HIP1R: variants seen among roughly 807,000 people sequenced by gnomAD.
HIP1R encodes huntingtin-interacting protein 1-related protein.
Under a neutral mutation model 144.2 loss-of-function variants are expected in HIP1R, and 135 were observed. The observed-to-expected ratio is 0.94, with a 90% CI of 0.81 to 1.08. The LOEUF (loss-of-function observed/expected upper bound fraction) is 1.08, where lower values mean the gene tolerates loss of function less well. Among genes scored for constraint, HIP1R ranks in the 50% least tolerant of loss-of-function variants. The pLI is 0.00. For missense variants in HIP1R, 1,462 were observed against 1,432.8 expected, an observed-to-expected ratio of 1.02 and a Z score of -0.33; for synonymous variants, 698 against 612.8, an observed-to-expected ratio of 1.14 and a Z score of -2.05.
chr12:122,851,009 T>C (rs542506329), intron 6 of HIP1R, 98 bp downstream of exon 6: 19 of 1,101,512 alleles, frequency 1.7e-5, no homozygotes, highest in South Asian at 1.2e-4. Context: ...GGCAGTGGGG[T>C]TGAATGAGTC....
At chr12:122,860,362 C>CCCTTG in intron 26 of HIP1R, 61 bp from the exon 27 acceptor site, 1 of 1,589,084 alleles carries the variant, frequency 6.3e-7, no homozygotes, top group Non-Finnish European at 8.6e-7. Context: ...CCTTGAGGGC[C>CCCTTG]ACTTTCCACC....
At chr12:122,856,792 C>T in intron 17 of HIP1R, 66 bp downstream of exon 17, 3 of 1,375,284 alleles carry the variant, frequency 2.2e-6, no homozygotes, top group Non-Finnish European at 3.0e-6. Context: ...GTCAGGTCCT[C>T]TTTCCCGTGA....
In HIP1R at chr12:122,859,782, A is replaced by G; in HGVS notation, c.2417A>G (p.Asn806Ser). ...DAVRRIEDMM[N>S]QARHASSGVK... ...TGTTCTTGGGTGCAGGACATGATGAACCAGGCACGCCACGCCAGCTCGGGG... is the reference window on the plus strand; with the variant it reads ...TGTTCTTGGGTGCAGGACATGATGAGCCAGGCACGCCACGCCAGCTCGGGG... The change falls in exon 24 of 32, where the codon AAC becomes AGC. Residue 806 changes from asparagine (N) to serine (S), a missense_variant. Physicochemically the swap from Asn to Ser is conservative, Grantham distance 46 (BLOSUM62 1). Coordinates refer to ENST00000253083, the MANE Select transcript of HIP1R (RefSeq NM_003959.3). 6 of 1,612,910 alleles carry G rather than the reference A, an allele frequency of 3.7e-6. No individual in the cohort carries two copies. The highest frequency in any genetic ancestry group is 1.7e-4 in the Middle Eastern group (1 of 6,056).
At position 122,861,411 on chromosome 12, in the gene HIP1R, G is replaced by A. The variant is rs1290471259; in HGVS notation, c.3056G>A (p.Gly1019Glu). Reference protein sequence around the residue: ...YVLAGASGSPGEEVAIRPSTA... With the variant: ...YVLAGASGSPEEEVAIRPSTA... ...CTGGCTGGGGCATCAGGCAGCCCTG[G>A]AGAGGAGGTGGCCATCCGGCCCAGC... Residue 1019 changes from glycine to glutamate, a missense_variant, in exon 31 of 32, where the codon GGA (glycine) becomes GAA (glutamate). By Grantham distance (98) the Gly-to-Glu change is moderately conservative. Transcript: ENST00000253083. 1 of 1,613,488 alleles carries A rather than the reference G, an allele frequency of 6.2e-7. No individual in the cohort carries two copies. The highest frequency in any genetic ancestry group is 8.5e-7 in the Non-Finnish European group (1 of 1,179,890).
intron 1 of HIP1R, among the ~76,000 whole-genome samples, chr12:122,844,293 C>A (rs968039664): frequency 6.6e-6 from 1 of 152,108 alleles, no homozygotes; most frequent in Non-Finnish European, 1.5e-5. Flanking sequence ...CCACTACACC[C>A]GGCTAAGTTT....
rs1401707790 is a variant in HIP1R, at chr12:122,861,474, T to C, written c.3119T>C (p.Leu1040Pro). Reference protein sequence around the residue: ...PRSVTTKKPPLAQKPSVAPRQ... With the variant: ...PRSVTTKKPPPAQKPSVAPRQ... ...AGTGTAACCACCAAGAAACCACCCC[T>C]GGCCCAGAAGCCCAGCGTGGCCCCC... Residue 1040 changes from leucine (L) to proline (P), a missense_variant, in exon 31 of 32, where the codon CTG becomes CCG. Transcript: ENST00000253083. The C allele has an allele frequency of 7.4e-6, 12 of 1,613,040 alleles. No homozygotes were observed. The highest frequency in any genetic ancestry group is 1.0e-5 in the Non-Finnish European group (12 of 1,179,754).
Position 122,858,133 on chromosome 12 carries a change from T to C in HIP1R, c.1847T>C (p.Leu616Pro), listed in dbSNP as rs754716825. The C allele has an allele frequency of 1.3e-6, 2 of 1,599,122 alleles. No individual in the cohort carries two copies. Among genetic ancestry groups the C allele is most frequent in the African/African-American group, 2.7e-5 (2 of 74,814 alleles). Reference protein sequence around the residue: ...ESQEQGLRQRLLDEQFAVLRG... With the variant: ...ESQEQGLRQRPLDEQFAVLRG... ...CAGGAGCAGGGGCTGCGGCAGAGGC[T>C]GCTGGACGAGCAGTTCGCAGTGTTG... Residue 616 changes from leucine (L) to proline (P), a missense_variant, in exon 19 of 32, where the codon CTG becomes CCG. Transcript: ENST00000253083.
chr12:122,845,722 C>A (rs892222636), intron 1 of HIP1R, among the ~76,000 whole-genome samples: 1 of 152,084 alleles, frequency 6.6e-6, no homozygotes, highest in Non-Finnish European at 1.5e-5. Context: ...CCCTCAGAGA[C>A]CATCCATCCA....
intron 4 of HIP1R, 86 bp from the exon 5 acceptor site, chr12:122,849,789 G>A (rs867415629): frequency 2.4e-5 from 21 of 861,280 alleles, no homozygotes; most frequent in African/African-American, 3.3e-5. Flanking sequence ...AGTGCCCGGT[G>A]GTGGGTCACT....
chr12:122,835,297 T>G (rs1593853134), upstream of HIP1R: 36 of 355,210 alleles, frequency 1.0e-4, no homozygotes, highest in South Asian at 1.5e-4. Flanking sequence ...GGGGTGGGGT[T>G]GGAGGTGTGC....
Position 122,858,135 on chromosome 12 carries a change from C to T in HIP1R, c.1849C>T (p.Leu617=), listed in dbSNP as rs1488484782. Residue 617 remains leucine, a synonymous_variant, in exon 19 of 32, where the codon CTG becomes TTG. Coordinates refer to ENST00000253083, the MANE Select transcript of HIP1R (RefSeq NM_003959.3). The part of the protein sequence containing the change: ...SQEQGLRQRL[L]DEQFAVLRGA... ...GGAGCAGGGGCTGCGGCAGAGGCTG[C>T]TGGACGAGCAGTTCGCAGTGTTGCG... The T allele has an allele frequency of 1.3e-6, 2 of 1,599,082 alleles. No homozygotes were observed. Among genetic ancestry groups the T allele is most frequent in the South Asian group, 2.2e-5 (2 of 90,536 alleles).
chr12:122,844,756 G>A (rs147701195), intron 1 of HIP1R, among the ~76,000 whole-genome samples: 21 of 152,174 alleles, frequency 1.4e-4, no homozygotes, highest in Non-Finnish European at 2.9e-4. Context: ...ACCCTGAGCT[G>A]AGGTCCATAA....
Position 122,862,136 on chromosome 12 carries a change from C to T in HIP1R, c.*383C>T. On this transcript the variant is annotated 3_prime_UTR_variant, in exon 32 of 32. Coordinates refer to ENST00000253083, the MANE Select transcript of HIP1R (RefSeq NM_003959.3). ...ACTGGGAAACCGGGCCAGCGTGGGG[C>T]TCCCTGCCTTCTGGACTCCTGAAGG... The T allele has an allele frequency of 5.1e-6, 1 of 197,716 alleles. No individual in the cohort carries two copies. The highest frequency in any genetic ancestry group is 1.2e-4 in the South Asian group (1 of 8,322). 12.2% of individuals were successfully genotyped at this position (197,716 alleles called of 1,614,324 possible).
In HIP1R at chr12:122,856,077, A is replaced by C. The variant is rs1314137201; in HGVS notation, c.1226A>C (p.Asn409Thr). The C allele has an allele frequency of 6.3e-7, 1 of 1,588,628 alleles. No homozygotes were observed. Among genetic ancestry groups the C allele is most frequent in the Admixed American group, 1.8e-5 (1 of 55,312 alleles). ...RKQKQKALVD[N>T]EQLRHELAQL... ...CAGAAGCAGAAGGCCCTGGTGGATA[A>C]TGAGCAGCTCCGCCACGAGCTGGCC... Residue 409 changes from asparagine (N) to threonine (T), a missense_variant, in exon 14 of 32, where the codon AAT becomes ACT. Around this residue, in one of 2 missense-constraint regions of HIP1R, gnomAD observed 1,112 missense variants for 1,011.7 expected, o/e 1.10. Coordinates refer to ENST00000253083, the MANE Select transcript of HIP1R (RefSeq NM_003959.3).
intron 2 of HIP1R, 64 bp from the exon 3 acceptor site, chr12:122,848,402 C>T: frequency 6.4e-7 from 1 of 1,552,894 alleles, no homozygotes; most frequent in South Asian, 1.2e-5. Flanking sequence ...TGGCCTCTCT[C>T]AGCCGGGTTT....
At position 122,836,463 on chromosome 12, in the gene HIP1R, T is replaced by G. The variant is rs1014088600; in HGVS notation, c.93+820T>G. 6.6e-6 allele frequency among the ~76,000 whole-genome samples: 1 copy of G among 152,212 alleles called. No homozygotes were observed. The highest frequency in any genetic ancestry group is 1.5e-5 in the Non-Finnish European group (1 of 68,044). On this transcript the variant is annotated intron_variant, in intron 1 of 31. Coordinates refer to ENST00000253083, the MANE Select transcript of HIP1R (RefSeq NM_003959.3). The surrounding 1 kb of genome is among the most constrained non-coding windows in gnomAD (Gnocchi z 4.1). The stretch of plus-strand genomic sequence containing the variant: ...CGGGTGTGCGTTTTGTACTTGTGTT[T>G]GTGCCGGGGACCCACGATGCAGACG...
rs373689398 is a variant in HIP1R, at chr12:122,851,316, A to G, written c.577+19A>G. 2.0e-6 allele frequency: 3 copies of G among 1,530,444 alleles called. No homozygotes were observed. The highest frequency in any genetic ancestry group is 2.6e-6 in the Non-Finnish European group (3 of 1,147,406). The allele number at this position is 1,530,444 out of a possible 1,614,324, so 94.8% of individuals were successfully genotyped here. ...GAATCAGGTGAGCCGTAAAGAGGGGATGCGGGGGTCTGAGTGTATTGCTAA... is the reference window on the plus strand; with the variant it reads ...GAATCAGGTGAGCCGTAAAGAGGGGGTGCGGGGGTCTGAGTGTATTGCTAA... On this transcript the variant is annotated intron_variant, in intron 7 of 31. Coordinates refer to ENST00000253083, the MANE Select transcript of HIP1R (RefSeq NM_003959.3).
intron 8 of HIP1R, among the ~76,000 whole-genome samples, 176 bp downstream of exon 8, chr12:122,854,359 C>A (rs370444058): frequency 7.3e-6 from 1 of 137,124 alleles, no homozygotes; most frequent in African/African-American, 2.8e-5. Flanking sequence ...AAAAAAAAAA[C>A]CCACTACTTT....
At chr12:122,845,077 C>T (rs916341923) in intron 1 of HIP1R, among the ~76,000 whole-genome samples, 2 of 152,254 alleles carry the variant, frequency 1.3e-5, no homozygotes, top group African/African-American at 4.8e-5. Context: ...TGCCTCGGGA[C>T]TGTAAGCCTC....
Sources: gnomAD v4.1 joint callset for allele counts (sites outside exome capture counted in the v4.1 genomes callset) on GRCh38, gnomAD v4.1.1 for gene constraint, gnomAD v4.1.1 regional missense constraint, Gnocchi (gnomAD v3.1) non-coding constraint, MANE v1.5 for transcripts, NCBI Gene and HGNC (gene_info 2026-07-23, HGNC 2026-07-21) for gene names.